SNRNP200: variants seen among roughly 807,000 people sequenced by gnomAD.
SNRNP200 encodes the protein small nuclear ribonucleoprotein U5 subunit 200.
In SNRNP200, 66 loss-of-function variants were observed where a neutral mutation model predicts 255.2. The ratio of observed to expected loss-of-function variants is 0.26; its 90% CI spans 0.21 to 0.32. The LOEUF (loss-of-function observed/expected upper bound fraction) is 0.32, where lower values mean the gene tolerates loss of function less well. Among genes scored for constraint, SNRNP200 ranks in the 10% least tolerant of loss-of-function variants. The probability of loss-of-function intolerance (pLI) is 1.00; values close to 1 mark genes in which losing one functional copy is unlikely to be tolerated. For synonymous variants in SNRNP200, 939 were observed against 1,027.8 expected (o/e 0.91, Z 1.65); for missense variants, 1,585 against 2,749.8 (o/e 0.58, Z 9.47).
intron 3 of SNRNP200, 121 bp downstream of exon 3, chr2:96,303,038 T>C (rs1007062440): frequency 9.4e-7 from 1 of 1,059,196 alleles, no homozygotes; most frequent in Non-Finnish European, 1.5e-6. Context: ...CTGCCAGCCA[T>C]CAGTCAACTC....
Position 96,278,005 on chromosome 2 carries a change from A to G in SNRNP200, c.5611-55T>C. ...TGAACAGGTGACCCTGCCTGAGACC[A>G]GCTCAGGCCAAAGCACCACGTGGCC... is the stretch of plus-strand genomic sequence containing the variant. On this transcript the variant is annotated intron_variant, in intron 39 of 44. Transcript: ENST00000323853. This position sits in a 1 kb window ranked among gnomAD's most constrained non-coding sequence, Gnocchi z 6.9. The G allele has an allele frequency of 6.2e-7, 1 of 1,611,800 alleles. No individual in the cohort carries two copies.
At chr2:96,304,039 A>G (rs539511989) in intron 2 of SNRNP200, among the ~76,000 whole-genome samples, 25 of 152,342 alleles carry the variant, frequency 1.6e-4, no homozygotes, top group African/African-American at 5.8e-4. Context: ...TTGACTATCA[A>G]CAAAGTATAA....
rs139290587 is a variant in SNRNP200 at position 96,283,355 on chromosome 2, G to T, written c.4764-3C>A. On this transcript the variant is annotated splice_polypyrimidine_tract_variant and splice_region_variant and intron_variant, in intron 33 of 44. Coordinates refer to ENST00000323853, the MANE Select transcript of SNRNP200 (RefSeq NM_014014.5). The surrounding 1 kb of genome is among the most constrained non-coding windows in gnomAD (Gnocchi z 4.7). ...CCTTCTCGGTGCAGTGCAAGAACCTGTGCGGTACAGGCACTGGCTCAGCTC... is the reference window on the plus strand; with the variant it reads ...CCTTCTCGGTGCAGTGCAAGAACCTTTGCGGTACAGGCACTGGCTCAGCTC... The T allele has an allele frequency of 3.3e-5, 53 of 1,614,128 alleles. No individual in the cohort carries two copies. In the African/African-American group the frequency reaches 5.6e-4, roughly 17 times the overall value.
At chr2:96,288,910 G>T in intron 23 of SNRNP200, 127 bp downstream of exon 23, 1 of 1,060,796 alleles carries the variant, frequency 9.4e-7, no homozygotes, top group Non-Finnish European at 1.4e-6. Flanking sequence ...CATGCGAGAA[G>T]GCTGCAAAAA....
chr2:96,276,857 T>C (rs751971672), intron 43 of SNRNP200, 47 bp downstream of exon 43: 3 of 1,580,622 alleles, frequency 1.9e-6, no homozygotes, highest in South Asian at 1.1e-5. Context: ...ACCTAGCCAA[T>C]GGATAGGGTG....
In SNRNP200 at chr2:96,287,634, GT is replaced by G; in HGVS notation, c.3366-78del. The G allele has an allele frequency of 9.0e-7, 1 of 1,114,290 alleles. No individual in the cohort carries two copies. The highest frequency in any genetic ancestry group is 1.4e-6 in the Non-Finnish European group (1 of 724,410). The allele number at this position is 1,114,290 out of a possible 1,614,324, so 69.0% of individuals were successfully genotyped here. ...ACCACCCACTTCATGGCTTCCAATAGTTTAGCAGTGACTACACAAAACACAG... is the reference window on the plus strand; with the variant it reads ...ACCACCCACTTCATGGCTTCCAATAGTTAGCAGTGACTACACAAAACACAG... On this transcript the variant is annotated intron_variant, in intron 25 of 44. Transcript: ENST00000323853. This position sits in a 1 kb window ranked among gnomAD's most constrained non-coding sequence, Gnocchi z 5.7.
chr2:96,279,759 G>A (rs1056531381), intron 35 of SNRNP200, 200 bp from the exon 36 acceptor site: 2 of 568,806 alleles, frequency 3.5e-6, no homozygotes, highest in African/African-American at 1.9e-5. Flanking sequence ...AGTATTCAGT[G>A]TAAGGGCCAT....
Position 96,275,175 on chromosome 2 carries a change from A to G in SNRNP200, c.6268-20T>C. On this transcript the variant is annotated intron_variant, in intron 44 of 44. Transcript: ENST00000323853. ...CTTCACCTAGAAAGAGCAGGCAGAA[A>G]TCAAGATGAGCATGGACACAGGAAG... 3.1e-6 allele frequency: 5 copies of G among 1,614,238 alleles called. No homozygotes were observed. Among genetic ancestry groups the G allele is most frequent in the African/African-American group, 1.3e-5 (1 of 75,064 alleles).
Position 96,288,732 on chromosome 2 carries a change from C to T in SNRNP200, c.3189G>A (p.Leu1063=). 6.2e-7 allele frequency: 1 copy of T among 1,614,022 alleles called. No homozygotes were observed. The part of the protein sequence containing the change: ...EEPSAKINVL[L]QAFISQLKLE... ...ATTTCAGCTGTGAGATGAAGGCTTG[C>T]AGAAGAACGTTGATCTGTAAAGAAG... The change falls in exon 24 of 45, where the codon CTG becomes CTA. Residue 1063 remains leucine (L), a synonymous_variant. Coordinates refer to ENST00000323853, the MANE Select transcript of SNRNP200 (RefSeq NM_014014.5).
Position 96,298,343 on chromosome 2 carries a change from G to A in SNRNP200, c.1060C>T (p.Pro354Ser), listed in dbSNP as rs567082613. 1.2e-6 allele frequency: 2 copies of A among 1,614,064 alleles called. No homozygotes were observed. Among genetic ancestry groups the A allele is most frequent in the East Asian group, 4.5e-5 (2 of 44,876 alleles). ...TGGTAGAGGAACTTGGATAGCTCTG[G>A]GTCAGCTTCCATCTTTCCCATAATC... ...ERIMGKMEAD[P>S]ELSKFLYQLH... The change falls in exon 9 of 45, where the codon CCA becomes TCA. Residue 354 changes from proline to serine, a missense_variant. Pro to Ser is a moderately conservative substitution (Grantham distance 74, BLOSUM62 -1). Around this residue, in one of 9 missense-constraint regions of SNRNP200, gnomAD observed 383 missense variants for 645.3 expected, o/e 0.59. Coordinates refer to ENST00000323853, the MANE Select transcript of SNRNP200 (RefSeq NM_014014.5).
chr2:96,297,961 C>T (rs755024334), intron 9 of SNRNP200, among the ~76,000 whole-genome samples: 26 of 152,220 alleles, frequency 1.7e-4, no homozygotes, highest in Admixed American at 2.6e-4. Context: ...GTACCAAGGG[C>T]TACCCCTGAG....
intron 34 of SNRNP200, 140 bp from the exon 35 acceptor site, chr2:96,282,062 A>G (rs977799298): frequency 1.6e-5 from 11 of 675,618 alleles, no homozygotes; most frequent in South Asian, 6.4e-5. Flanking sequence ...AAGGTCTAAC[A>G]TGAATGAGAG....
At chr2:96,284,174 A>T (rs2063826302) in intron 31 of SNRNP200, 170 bp from the exon 32 acceptor site, 1 of 848,338 alleles carries the variant, frequency 1.2e-6, no homozygotes, top group Admixed American at 2.0e-5. Context: ...ACCTCCACTA[A>T]ACAATACTGT....
Position 96,297,524 on chromosome 2 carries a change from G to A in SNRNP200, c.1216C>T (p.Arg406Trp), listed in dbSNP as rs781619160. The change falls in exon 11 of 45, where the codon CGG becomes TGG. Residue 406 changes from arginine (R) to tryptophan (W), a missense_variant. Physicochemically the swap from Arg to Trp is moderately radical, Grantham distance 101. This residue lies in a region of SNRNP200 where 383 missense variants were observed against 645.3 expected (regional missense o/e 0.59). Transcript: ENST00000323853. ...AGGTCCTCCAAGTCCAGAACCTGCC[G>A]TGGAGCCAGTGCCTGGGAATGTGAA... ...LDQGGEALAPRQVLDLEDLVF... is the reference protein window; with the variant it reads ...LDQGGEALAPWQVLDLEDLVF... 8 of 1,613,966 alleles carry A rather than the reference G, an allele frequency of 5.0e-6. No homozygotes were observed. The highest frequency in any genetic ancestry group is 4.5e-5 in the East Asian group (2 of 44,894).
At position 96,283,856 on chromosome 2, in the gene SNRNP200, A is replaced by G; in HGVS notation, c.4541T>C (p.Phe1514Ser). 6.2e-7 allele frequency: 1 copy of G among 1,600,152 alleles called. No individual in the cohort carries two copies. Among genetic ancestry groups the G allele is most frequent in the Non-Finnish European group, 8.5e-7 (1 of 1,173,262 alleles). ...LGCSATSTFN[F>S]HPNVRPVPLE... ...GGGGACGGGACGCACATTGGGATGG[A>G]AGTTGAAGGTGGAGGTGGCACTGCA... The change falls in exon 32 of 45, where the codon TTC (phenylalanine) becomes TCC (serine). Residue 1514 changes from phenylalanine (F) to serine (S), a missense_variant. Physicochemically the swap from Phe to Ser is radical, Grantham distance 155 (BLOSUM62 -2). Transcript: ENST00000323853. The surrounding 1 kb of genome is among the most constrained non-coding windows in gnomAD (Gnocchi z 4.7).
rs544919255 is a variant in SNRNP200, at chr2:96,298,148, A to G, written c.1119+136T>C. On this transcript the variant is annotated intron_variant, in intron 9 of 44. Coordinates refer to ENST00000323853, the MANE Select transcript of SNRNP200 (RefSeq NM_014014.5). ...TGTGGATGTGTTGATTCTAACCTGTATGCACTGATAAACCCCAAAGAATTT... is the reference window on the plus strand; with the variant it reads ...TGTGGATGTGTTGATTCTAACCTGTGTGCACTGATAAACCCCAAAGAATTT... 6.6e-5 allele frequency: 81 copies of G among 1,230,190 alleles called. No individual in the cohort carries two copies. In the African/African-American group the frequency reaches 1.1e-3, roughly 17 times the overall value. 76.2% of individuals were successfully genotyped at this position (1,230,190 alleles called of 1,614,324 possible). A position where few individuals can be genotyped will look rare whatever the true frequency, so the allele number is the denominator to read the frequency against.
chr2:96,285,443 G>T, intron 29 of SNRNP200, 103 bp from the exon 30 acceptor site: 1 of 1,351,394 alleles, frequency 7.4e-7, no homozygotes, highest in East Asian at 2.3e-5. Flanking sequence ...ACGAAATGAA[G>T]TCAGGCAGTT....
At chr2:96,288,041 G>T in intron 24 of SNRNP200, 72 bp from the exon 25 acceptor site, 2 of 1,352,778 alleles carry the variant, frequency 1.5e-6, no homozygotes, top group South Asian at 1.2e-5. Context: ...CTCTACACAC[G>T]GTTTCATTAC....
Position 96,277,467 on chromosome 2 carries a change from C to A in SNRNP200, c.5931+72G>T, listed in dbSNP as rs891455393. 1 of 1,577,034 alleles carries A rather than the reference C, an allele frequency of 6.3e-7. No individual in the cohort carries two copies. Among genetic ancestry groups the A allele is most frequent in the Non-Finnish European group, 8.7e-7 (1 of 1,149,186 alleles). On this transcript the variant is annotated intron_variant, in intron 41 of 44. Coordinates refer to ENST00000323853, the MANE Select transcript of SNRNP200 (RefSeq NM_014014.5). The surrounding 1 kb of genome is among the most constrained non-coding windows in gnomAD (Gnocchi z 4.4). ...TTAACTTACTGAGACTCACCTCCCG[C>A]AACCCACGCTCGGTCCACAACACTG... is the stretch of plus-strand genomic sequence containing the variant.
Sources: allele counts gnomAD v4.1 joint callset (sites outside exome capture counted in the v4.1 genomes callset), GRCh38; gene constraint gnomAD v4.1.1; regional missense constraint gnomAD v4.1.1; non-coding constraint Gnocchi (gnomAD v3.1); transcripts MANE v1.5; gene names NCBI Gene and HGNC (gene_info 2026-07-23, HGNC 2026-07-21).